LMOD1: variants seen among roughly 807,000 people sequenced by gnomAD.
The protein encoded by LMOD1 is leiomodin 1.
In LMOD1, 8 loss-of-function variants were observed where a neutral mutation model predicts 36.5. That is an observed-to-expected ratio of 0.22 (90% CI 0.13 to 0.40). The LOEUF is 0.40. Among genes scored for constraint, LMOD1 ranks in the 10% least tolerant of loss-of-function variants. LMOD1 has a pLI of 1.00. For missense variants in LMOD1, 630 were observed against 751.1 expected, an observed-to-expected ratio of 0.84 and a Z score of 1.88; for synonymous variants, 284 against 288.7, an observed-to-expected ratio of 0.98 and a Z score of 0.17.
chr1:201,900,329 C>T lies in LMOD1; in HGVS notation c.684G>A (p.Arg228=), dbSNP rs1363417247. The T allele has an allele frequency of 6.3e-7, 1 of 1,586,090 alleles. No homozygotes were observed. The highest frequency in any genetic ancestry group is 1.8e-5 in the Admixed American group (1 of 54,196). ...EDDEKVKGER[R]NTDTRKEGEK... ...CACCCTCTTTTCTGGTGTCTGTGTT[C>T]CTACGCTCCCCTTTTACCTTCTCAT... The change falls in exon 2 of 3, where the codon AGG becomes AGA. Residue 228 remains arginine (R), a synonymous_variant. Coordinates refer to ENST00000367288, the MANE Select transcript of LMOD1 (RefSeq NM_012134.3).
In LMOD1 at chr1:201,921,672, G is replaced by T. The variant is rs371856452; in HGVS notation, c.262-20921C>A. 2.0e-5 allele frequency among the ~76,000 whole-genome samples: 3 copies of T among 151,438 alleles called. No individual in the cohort carries two copies. In the East Asian group the frequency reaches 5.9e-4, roughly 30 times the overall value. On this transcript the variant is annotated intron_variant, in intron 1 of 2. Transcript: ENST00000367288. ...TACAGAATAGGTCAAGAAAATCACC[G>T]CATTATGGCCGGATGCAGTGGCTCA...
intron 1 of LMOD1, among the ~76,000 whole-genome samples, chr1:201,917,856 G>A (rs988559111): frequency 6.6e-6 from 1 of 152,190 alleles, no homozygotes; most frequent in African/African-American, 2.4e-5. Context: ...CTGGGGCTGT[G>A]AGCAGGAGGC....
rs1350007829 is a variant in LMOD1 at position 201,933,588 on chromosome 1, A to G, written c.261+12492T>C. On this transcript the variant is annotated intron_variant, in intron 1 of 2. Coordinates refer to ENST00000367288, the MANE Select transcript of LMOD1 (RefSeq NM_012134.3). ...ATATATATTATATATGTACACATAT[A>G]CATACATTATATATATATATATATA... is the stretch of plus-strand genomic sequence containing the variant. Among the ~76,000 whole-genome samples the G allele has an allele frequency of 1.0e-3, 113 of 109,700 alleles. 4 individuals carry two copies. The highest frequency in any genetic ancestry group is 1.9e-3 in the Non-Finnish European group (101 of 54,510). 72.0% of individuals were successfully genotyped at this position (109,700 alleles called of 152,430 possible).
intron 1 of LMOD1, among the ~76,000 whole-genome samples, chr1:201,930,538 A>C (rs1332706100): frequency 6.6e-6 from 1 of 152,120 alleles, no homozygotes; most frequent in Non-Finnish European, 1.5e-5. Context: ...ACACAGGAGG[A>C]AAAACAGGTT....
chr1:201,898,309 T>C lies in LMOD1; in HGVS notation c.*63A>G, dbSNP rs1208376662. On this transcript the variant is annotated 3_prime_UTR_variant, in exon 3 of 3. Transcript: ENST00000367288. ...AGGGATGGGGTGGGCAGGGTCTGTGTAGCCCTGGGAGGTGAGGCCTGAGCA... is the reference window on the plus strand; with the variant it reads ...AGGGATGGGGTGGGCAGGGTCTGTGCAGCCCTGGGAGGTGAGGCCTGAGCA... 1 of 1,559,900 alleles carries C rather than the reference T, an allele frequency of 6.4e-7. No individual in the cohort carries two copies. The highest frequency in any genetic ancestry group is 8.8e-7 in the Non-Finnish European group (1 of 1,139,564).
rs559672115 is a variant in LMOD1, at chr1:201,900,664, G to A, written c.349C>T (p.Arg117Trp). The change falls in exon 2 of 3, where the codon CGG (arginine) becomes TGG (tryptophan). Residue 117 changes from arginine (R) to tryptophan (W), a missense_variant. Coordinates refer to ENST00000367288, the MANE Select transcript of LMOD1 (RefSeq NM_012134.3). ...GGCTCCTTCCCCAGATCTGAGTCCC[G>A]TCTGGGGCCCAGGGCTTTTTTGCTG... ...DASKKALGPRRDSDLGKEPKR... is the reference protein window; with the variant it reads ...DASKKALGPRWDSDLGKEPKR... The A allele has an allele frequency of 9.4e-5, 152 of 1,613,592 alleles. No homozygotes were observed. The highest frequency in any genetic ancestry group is 4.9e-4 in the Middle Eastern group (3 of 6,084).
At chr1:201,932,343 C>A (rs200685823) in intron 1 of LMOD1, among the ~76,000 whole-genome samples, 1 of 152,036 alleles carries the variant, frequency 6.6e-6, no homozygotes, top group East Asian at 1.9e-4. Flanking sequence ...GTAGAGGAAT[C>A]TGACCTGGGC....
intron 1 of LMOD1, among the ~76,000 whole-genome samples, chr1:201,940,702 A>G (rs1219125837): frequency 2.1e-5 from 3 of 143,502 alleles, no homozygotes; most frequent in Non-Finnish European, 4.5e-5. Flanking sequence ...CTCCTGCCTC[A>G]GCCTCCCAAG....
At chr1:201,914,139 C>A (rs1184480957) in intron 1 of LMOD1, among the ~76,000 whole-genome samples, 2 of 152,152 alleles carry the variant, frequency 1.3e-5, no homozygotes, top group Admixed American at 1.3e-4. Flanking sequence ...ATCCTCAACC[C>A]CAGTCACACG....
At chr1:201,917,023 G>T (rs997646470) in intron 1 of LMOD1, among the ~76,000 whole-genome samples, 1 of 152,218 alleles carries the variant, frequency 6.6e-6, no homozygotes, top group Non-Finnish European at 1.5e-5. Flanking sequence ...TTTACAAGAG[G>T]AGTGAACGCC....
intron 1 of LMOD1, among the ~76,000 whole-genome samples, chr1:201,916,726 C>T (rs1348913150): frequency 1.3e-5 from 2 of 152,120 alleles, no homozygotes; most frequent in Non-Finnish European, 1.5e-5. Flanking sequence ...GTCTTCAGCC[C>T]GGCTGTGCTG....
At chr1:201,933,903 G>C (rs1275846912) in intron 1 of LMOD1, among the ~76,000 whole-genome samples, 1 of 152,130 alleles carries the variant, frequency 6.6e-6, no homozygotes, top group Non-Finnish European at 1.5e-5. Flanking sequence ...ATGCTTGTCT[G>C]AGACCACCCA....
chr1:201,917,998 G>A (rs1681638998), intron 1 of LMOD1, among the ~76,000 whole-genome samples: 1 of 152,208 alleles, frequency 6.6e-6, no homozygotes, highest in Non-Finnish European at 1.5e-5. Context: ...CCTACGCTTG[G>A]TTTAATTCTC....
At chr1:201,943,941 T>A (rs1300946107) in intron 1 of LMOD1, among the ~76,000 whole-genome samples, 1 of 152,226 alleles carries the variant, frequency 6.6e-6, no homozygotes, top group Non-Finnish European at 1.5e-5. Flanking sequence ...ACACTCACTA[T>A]TTTGTTAATG....
chr1:201,938,108 C>T (rs531468307), intron 1 of LMOD1, among the ~76,000 whole-genome samples: 3 of 151,072 alleles, frequency 2.0e-5, no homozygotes, highest in Non-Finnish European at 4.4e-5. Context: ...CATAACTATC[C>T]TATGACTAAG....
Position 201,899,475 on chromosome 1 carries a change from G to A in LMOD1, c.1538C>T (p.Pro513Leu). The change falls in exon 2 of 3, where the codon CCT becomes CTT. Residue 513 changes from proline to leucine, a missense_variant. Physicochemically the swap from Pro to Leu is moderately conservative, Grantham distance 98. Transcript: ENST00000367288. The surrounding 1 kb of genome is among the most constrained non-coding windows in gnomAD (Gnocchi z 6.3). ...TGGAGAGGGCTTTGGAGATGGTTGA[G>A]GTGAAGGTTTTGGGGAGCCCTTAGC... ...AVAKGSPKPS[P>L]QPSPKPSPKN... is the part of the protein sequence containing the mutation. 2 of 1,614,002 alleles carry A rather than the reference G, an allele frequency of 1.2e-6. No homozygotes were observed. The highest frequency in any genetic ancestry group is 1.7e-6 in the Non-Finnish European group (2 of 1,179,902).
Position 201,926,977 on chromosome 1 carries a change from ATTGACAAT to A in LMOD1, c.261+19095_261+19102del, listed in dbSNP as rs1459664793. On this transcript the variant is annotated intron_variant, in intron 1 of 2. Coordinates refer to ENST00000367288, the MANE Select transcript of LMOD1 (RefSeq NM_012134.3). ...GTCTCAAAAACAAACAAACAAGAAAATTGACAATGGCTGATATCTTTAGCTAAGACAAA... is the reference window on the plus strand; with the variant it reads ...GTCTCAAAAACAAACAAACAAGAAAAGGCTGATATCTTTAGCTAAGACAAA... 2.0e-5 allele frequency among the ~76,000 whole-genome samples: 3 copies of A among 152,156 alleles called. No homozygotes were observed. In the East Asian group the frequency reaches 5.8e-4, roughly 29 times the overall value.
chr1:201,934,847 G>C (rs1041149132), intron 1 of LMOD1, among the ~76,000 whole-genome samples: 1 of 152,210 alleles, frequency 6.6e-6, no homozygotes, highest in Non-Finnish European at 1.5e-5. Context: ...CTGATTTGGT[G>C]AAACCACTCT....
intron 1 of LMOD1, among the ~76,000 whole-genome samples, chr1:201,905,880 A>G (rs1681402388): frequency 6.6e-6 from 1 of 152,220 alleles, no homozygotes; most frequent in Non-Finnish European, 1.5e-5. Context: ...CATTGACTGC[A>G]CCCTCACAGG....
Sources: gnomAD v4.1 joint callset for allele counts (sites outside exome capture counted in the v4.1 genomes callset) on GRCh38, gnomAD v4.1.1 for gene constraint, Gnocchi (gnomAD v3.1) non-coding constraint, MANE v1.5 for transcripts, NCBI Gene and HGNC (gene_info 2026-07-23, HGNC 2026-07-21) for gene names.